TIAM2: variants seen among roughly 807,000 people sequenced by gnomAD.
TIAM2 encodes TIAM Rac1 associated GEF 2, also known as rho guanine nucleotide exchange factor TIAM2.
Under a neutral mutation model 152.9 loss-of-function variants are expected in TIAM2, and 80 were observed. The ratio of observed to expected loss-of-function variants is 0.52; its 90% confidence interval spans 0.44 to 0.63. TIAM2 has a LOEUF of 0.63. Among genes scored for constraint, TIAM2 ranks in the 30% least tolerant of loss-of-function variants. The probability of loss-of-function intolerance (pLI) is 0.00; values close to 1 mark genes in which losing one functional copy is unlikely to be tolerated. For synonymous variants in TIAM2, 804 were observed against 838.0 expected (o/e 0.96, Z 0.70); for missense variants, 1,965 against 2,120.1 (o/e 0.93, Z 1.44).
At chr6:155,036,581 A>ATTATTTATTTATTTAT (rs138150629) in intron 1 of TIAM2, among the ~76,000 whole-genome samples, 1 of 143,810 alleles carries the variant, frequency 7.0e-6, no homozygotes. Flanking sequence ...GTTTGGAGAA[A>ATTATTTATTTATTTAT]TTATTTATTT....
At chr6:154,996,344 A>T (rs1371968980) in intron 1 of TIAM2, among the ~76,000 whole-genome samples, 2 of 152,288 alleles carry the variant, frequency 1.3e-5, no homozygotes, top group South Asian at 4.2e-4. Context: ...GATTCCAAAG[A>T]TAATTTCATT....
chr6:155,257,398 ATTAAG>A lies in TIAM2; in HGVS notation c.*281_*285del, dbSNP rs1447622479. 1 of 398,472 alleles carries A rather than the reference ATTAAG, an allele frequency of 2.5e-6. No individual in the cohort carries two copies. Among genetic ancestry groups the A allele is most frequent in the South Asian group, 3.1e-5 (1 of 32,458 alleles). The allele number at this position is 398,472 out of a possible 1,614,324, so 24.7% of individuals were successfully genotyped here. Reference sequence around the variant, plus strand: ...GGATCCTTAAAATTACATTCTAATAATTAAGTTATGTGGAAAAAGTAAGGCTGGGG... The same window carrying A: ...GGATCCTTAAAATTACATTCTAATAATTATGTGGAAAAAGTAAGGCTGGGG... On this transcript the variant is annotated 3_prime_UTR_variant, in exon 27 of 27. Coordinates refer to ENST00000682666, the MANE Select transcript of TIAM2 (RefSeq NM_012454.4).
chr6:155,195,025 G>A (rs377626461), intron 14 of TIAM2, among the ~76,000 whole-genome samples: 13 of 152,256 alleles, frequency 8.5e-5, no homozygotes, highest in African/African-American at 2.2e-4. Flanking sequence ...TGAGGCCTCC[G>A]CAGCCCTGCG....
intron 21 of TIAM2, chr6:155,250,608 A>G: frequency 6.5e-7 from 1 of 1,536,056 alleles, no homozygotes; most frequent in South Asian, 1.2e-5. Flanking sequence ...GGCACTCTGG[A>G]AGAACCACGG....
At chr6:155,044,050 G>A (rs1439065953) in intron 1 of TIAM2, among the ~76,000 whole-genome samples, 2 of 152,182 alleles carry the variant, frequency 1.3e-5, no homozygotes, top group Non-Finnish European at 2.9e-5. Context: ...ATATGTTACA[G>A]TAAATGTGAA....
chr6:155,046,517 G>A (rs564965274), intron 1 of TIAM2, among the ~76,000 whole-genome samples: 335 of 152,014 alleles, frequency 2.2e-3, no homozygotes, highest in Non-Finnish European at 3.9e-3. Context: ...TGTACTTTTA[G>A]TAGAGACAGG....
chr6:155,254,720 C>A (rs2115368040), intron 26 of TIAM2, 147 bp downstream of exon 26: 1 of 1,026,332 alleles, frequency 9.7e-7, no homozygotes, highest in Non-Finnish European at 1.4e-6. Context: ...AAACATGCCT[C>A]TTGCTCCCAG....
In TIAM2 at chr6:155,256,729, G is replaced by A; in HGVS notation, c.4714G>A (p.Asp1572Asn). The A allele has an allele frequency of 1.2e-6, 2 of 1,614,202 alleles. No homozygotes were observed. The highest frequency in any genetic ancestry group is 1.7e-6 in the Non-Finnish European group (2 of 1,180,044). Reference protein sequence around the residue: ...IKESDILSDEDDDHRQTVKQG... With the variant: ...IKESDILSDENDDHRQTVKQG... Reference sequence around the variant, plus strand: ...AGAGAGTGACATCCTGAGCGATGAAGATGATGACCACCGTCAGACTGTGAA... The same window carrying A: ...AGAGAGTGACATCCTGAGCGATGAAAATGATGACCACCGTCAGACTGTGAA... Residue 1572 changes from aspartate (D) to asparagine (N), a missense_variant, in exon 27 of 27, where the codon GAT becomes AAT. Asp to Asn is a conservative substitution (Grantham distance 23). Transcript: ENST00000682666.
intron 1 of TIAM2, among the ~76,000 whole-genome samples, chr6:155,049,470 A>G (rs1293822558): frequency 1.3e-5 from 2 of 152,198 alleles, no homozygotes; most frequent in Non-Finnish European, 2.9e-5. Context: ...TGAGTTGCCA[A>G]GCTTGCTCAT....
chr6:155,168,419 A>G (rs930014769), intron 9 of TIAM2, among the ~76,000 whole-genome samples: 2 of 152,120 alleles, frequency 1.3e-5, no homozygotes, highest in Non-Finnish European at 2.9e-5. Context: ...GTGCAGTGGC[A>G]TGATCTCAGC....
chr6:155,110,419 C>A (rs1410707066), intron 2 of TIAM2, among the ~76,000 whole-genome samples: 1 of 149,118 alleles, frequency 6.7e-6, no homozygotes, highest in Admixed American at 6.9e-5. Flanking sequence ...CTGTTTAAAG[C>A]TCTAGTAGAG....
intron 7 of TIAM2, among the ~76,000 whole-genome samples, chr6:155,164,137 TTTTTTTTTC>T (rs1358937431): frequency 1.4e-5 from 2 of 139,690 alleles, no homozygotes; most frequent in Non-Finnish European, 3.1e-5. Context: ...TTTTGTGTTT[TTTTTTTTTC>T]TTTTTTTTAG....
At chr6:155,079,717 C>T (rs1307945169) in intron 1 of TIAM2, among the ~76,000 whole-genome samples, 3 of 152,152 alleles carry the variant, frequency 2.0e-5, no homozygotes, top group South Asian at 2.1e-4. Context: ...GAGGCCTAGG[C>T]GGGTGGATCA....
chr6:155,069,343 C>G (rs764786139), intron 1 of TIAM2, among the ~76,000 whole-genome samples: 2 of 152,162 alleles, frequency 1.3e-5, no homozygotes, highest in Non-Finnish European at 2.9e-5. Flanking sequence ...ATCCTCCCAC[C>G]TCAGCCTCCC....
intron 2 of TIAM2, 136 bp from the exon 3 acceptor site, chr6:155,127,354 G>A (rs138076591): frequency 1.8e-5 from 6 of 337,494 alleles, no homozygotes; most frequent in East Asian, 8.2e-5. Flanking sequence ...GTTCACAGAC[G>A]TTTCATTTAT....
chr6:155,155,454 G>A (rs9480073), intron 7 of TIAM2, among the ~76,000 whole-genome samples: 133,054 of 152,064 alleles, frequency 0.87, 58,692 homozygotes, highest in African/African-American at 0.97. Flanking sequence ...GTGTGAGCCA[G>A]TGTGCCCAGC....
At chr6:155,207,579 C>G (rs1781625569) in intron 14 of TIAM2, among the ~76,000 whole-genome samples, 2 of 152,214 alleles carry the variant, frequency 1.3e-5, no homozygotes, top group South Asian at 4.1e-4. Context: ...CCAGGGCCAG[C>G]CTCAGTGGGA....
chr6:155,223,600 C>A (rs908544104), intron 15 of TIAM2, among the ~76,000 whole-genome samples: 4 of 148,488 alleles, frequency 2.7e-5, no homozygotes, highest in African/African-American at 9.9e-5. Flanking sequence ...CGCAGCATTA[C>A]GTGCTGGGAT....
At chr6:155,010,394 T>C (rs1048316760) in intron 1 of TIAM2, among the ~76,000 whole-genome samples, 3 of 152,236 alleles carry the variant, frequency 2.0e-5, no homozygotes, top group Non-Finnish European at 4.4e-5. Flanking sequence ...GATGTGGCTG[T>C]GATCTTTGTG....
Sources: allele counts gnomAD v4.1 joint callset (sites outside exome capture counted in the v4.1 genomes callset), GRCh38; gene constraint gnomAD v4.1.1; transcripts MANE v1.5; gene names NCBI Gene and HGNC (gene_info 2026-07-23, HGNC 2026-07-21).